APCDD1: variants seen among roughly 807,000 people sequenced by gnomAD.
APCDD1 encodes the protein protein APCDD1.
In APCDD1, 15 loss-of-function variants were observed where a neutral mutation model predicts 38.1. The ratio of observed to expected loss-of-function variants is 0.39; its 90% CI spans 0.26 to 0.61. The LOEUF is 0.61. Among genes scored for constraint, APCDD1 ranks in the 20% least tolerant of loss-of-function variants. The pLI is 0.49. For missense variants in APCDD1, 647 were observed against 696.2 expected (o/e 0.93, Z 0.79); for synonymous variants, 261 against 279.7 (o/e 0.93, Z 0.67).
At position 10,472,139 on chromosome 18, in the gene APCDD1, A is replaced by T. The variant is rs1389086176; in HGVS notation, c.774+78A>T. ...CTTAAAGGCTTGCCATGGGGGCTCT[A>T]GGGCACCCTTGAAAGGGGGAATTCT... On this transcript the variant is annotated intron_variant, in intron 3 of 4. Transcript: ENST00000355285. This position sits in a 1 kb window ranked among gnomAD's most constrained non-coding sequence, Gnocchi z 6.6. The T allele has an allele frequency of 6.9e-6, 11 of 1,593,274 alleles. No homozygotes were observed. The highest frequency in any genetic ancestry group is 9.4e-6 in the Non-Finnish European group (11 of 1,166,332).
intron 1 of APCDD1, among the ~76,000 whole-genome samples, chr18:10,459,293 C>T (rs1055928379): frequency 6.7e-6 from 1 of 149,438 alleles, no homozygotes; most frequent in South Asian, 2.1e-4. Flanking sequence ...CACTATTTTC[C>T]CTGCTGGGAA....
chr18:10,461,558 A>G (rs1035265605), intron 1 of APCDD1, among the ~76,000 whole-genome samples: 1 of 152,240 alleles, frequency 6.6e-6, no homozygotes, highest in African/African-American at 2.4e-5. Flanking sequence ...TATAGTAGCT[A>G]GCATTTGATC....
At chr18:10,480,942 A>T (rs939072431) in intron 3 of APCDD1, among the ~76,000 whole-genome samples, 1 of 137,850 alleles carries the variant, frequency 7.3e-6, no homozygotes, top group African/African-American at 2.6e-5. Flanking sequence ...AAAAAAATAA[A>T]AAATAAAAAA....
Position 10,454,692 on chromosome 18 carries a change from G to C in APCDD1, c.-290G>C. 8.1e-6 allele frequency: 8 copies of C among 985,334 alleles called. No individual in the cohort carries two copies. Among genetic ancestry groups the C allele is most frequent in the South Asian group, 4.6e-5 (1 of 21,810 alleles). The allele number at this position is 985,334 out of a possible 1,614,324, so 61.0% of individuals were successfully genotyped here. A position where few individuals can be genotyped will look rare whatever the true frequency, so the allele number is the denominator to read the frequency against. ...GCCACTGCAGCTCAGAGCGGCGCAC[G>C]CGGCGGCCGGGGCGGGACGCGGGGC... On this transcript the variant is annotated 5_prime_UTR_variant, in exon 1 of 5. Transcript: ENST00000355285.
At chr18:10,464,041 G>A (rs910086079) in intron 1 of APCDD1, among the ~76,000 whole-genome samples, 7 of 152,118 alleles carry the variant, frequency 4.6e-5, no homozygotes, top group Admixed American at 2.6e-4. Context: ...AGAAACCCTG[G>A]GCTATTTAAT....
intron 1 of APCDD1, among the ~76,000 whole-genome samples, chr18:10,455,605 T>C (rs1452916931): frequency 6.6e-6 from 1 of 152,152 alleles, no homozygotes; most frequent in Non-Finnish European, 1.5e-5. Context: ...AAGTGGACTG[T>C]TGCGTTCTCT....
intron 3 of APCDD1, among the ~76,000 whole-genome samples, chr18:10,478,222 A>G (rs534219835): frequency 5.9e-5 from 9 of 152,208 alleles, no homozygotes; most frequent in Admixed American, 3.3e-4. Context: ...CCCTTCCTGG[A>G]CAGTGGTAAC....
At chr18:10,487,494 C>A in intron 4 of APCDD1, 96 bp from the exon 5 acceptor site, 1 of 1,268,512 alleles carries the variant, frequency 7.9e-7, no homozygotes, top group Non-Finnish European at 1.1e-6. Context: ...AAAAGAAAGC[C>A]TTGTCTAGTT....
chr18:10,474,451 C>T (rs2030942220), intron 3 of APCDD1, among the ~76,000 whole-genome samples: 1 of 152,194 alleles, frequency 6.6e-6, no homozygotes, highest in African/African-American at 2.4e-5. Context: ...GCCTTGAGTG[C>T]GAGGTCTGAG....
At chr18:10,458,389 A>T (rs2030436786) in intron 1 of APCDD1, among the ~76,000 whole-genome samples, 1 of 152,250 alleles carries the variant, frequency 6.6e-6, no homozygotes, top group South Asian at 2.1e-4. Flanking sequence ...GGAAACGTTT[A>T]TACAGGGTAA....
At chr18:10,468,792 C>A in intron 2 of APCDD1, 140 bp downstream of exon 2, 2 of 894,882 alleles carry the variant, frequency 2.2e-6, no homozygotes, top group Middle Eastern at 3.4e-4. Context: ...AGAACCAAAC[C>A]ACTCTTTGAA....
At chr18:10,480,370 T>G (rs1365796369) in intron 3 of APCDD1, among the ~76,000 whole-genome samples, 2 of 152,220 alleles carry the variant, frequency 1.3e-5, no homozygotes, top group African/African-American at 2.4e-5. Flanking sequence ...ATGAATACAA[T>G]ATACAGGCTT....
chr18:10,468,786 C>G (rs1731374886), intron 2 of APCDD1, 134 bp downstream of exon 2: 2 of 918,884 alleles, frequency 2.2e-6, no homozygotes, highest in Non-Finnish European at 3.4e-6. Context: ...TAATGAAGAA[C>G]CAAACCACTC....
At chr18:10,456,194 G>A (rs904004580) in intron 1 of APCDD1, among the ~76,000 whole-genome samples, 10 of 152,206 alleles carry the variant, frequency 6.6e-5, no homozygotes, top group Non-Finnish European at 1.5e-5. Flanking sequence ...AACTTGTCTG[G>A]CTGGGCCAGA....
At chr18:10,473,490 T>G (rs1165081156) in intron 3 of APCDD1, among the ~76,000 whole-genome samples, 1 of 152,150 alleles carries the variant, frequency 6.6e-6, no homozygotes, top group Non-Finnish European at 1.5e-5. Context: ...GAGGCCAACA[T>G]GAATTAGGGC....
rs2031333309 is a variant in APCDD1 at position 10,489,909 on chromosome 18, C to T, written c.*1871C>T. Reference sequence around the variant, plus strand: ...AATACTCTCAGAAATACAACTGATACTATCTTTAAAAGACGTAATAAAATC... The same window carrying T: ...AATACTCTCAGAAATACAACTGATATTATCTTTAAAAGACGTAATAAAATC... On this transcript the variant is annotated 3_prime_UTR_variant, in exon 5 of 5. Transcript: ENST00000355285. 1 of 152,096 alleles carries T rather than the reference C, an allele frequency of 6.6e-6. No homozygotes were observed. Among genetic ancestry groups the T allele is most frequent in the Non-Finnish European group, 1.5e-5 (1 of 68,006 alleles). The allele number at this position is 152,096 out of a possible 1,614,324, so 9.4% of individuals were successfully genotyped here. A position where few individuals can be genotyped will look rare whatever the true frequency, so the allele number is the denominator to read the frequency against.
rs866486837 is a variant in APCDD1, at chr18:10,455,006, C to T, written c.25C>T (p.Leu9Phe). 4.5e-6 allele frequency: 7 copies of T among 1,563,264 alleles called. No individual in the cohort carries two copies. In the Admixed American group the frequency reaches 5.5e-5, roughly 12 times the overall value. The stretch of plus-strand genomic sequence containing the variant: ...AATGTCCTGGCCGCGCCGCCTCCTG[C>T]TCAGATACCTGTTCCCGGCCCTCCT... MSWPRRLL[L>F]RYLFPALLLH... The change falls in exon 1 of 5, where the codon CTC (leucine) becomes TTC (phenylalanine). Residue 9 changes from leucine (L) to phenylalanine (F), a missense_variant. Coordinates refer to ENST00000355285, the MANE Select transcript of APCDD1 (RefSeq NM_153000.5).
rs746141096 is a variant in APCDD1 at position 10,485,594 on chromosome 18, C to T, written c.907C>T (p.Arg303Cys). Residue 303 changes from arginine to cysteine, a missense_variant, in exon 4 of 5, where the codon CGC becomes TGC. Coordinates refer to ENST00000355285, the MANE Select transcript of APCDD1 (RefSeq NM_153000.5). The surrounding 1 kb of genome is among the most constrained non-coding windows in gnomAD (Gnocchi z 5.8). The stretch of plus-strand genomic sequence containing the variant: ...GTGGGTGAGCCAGCGCTGTGAGGTG[C>T]GCCCCGAAGTCCTCTTCCTCACCCG... Reference protein sequence around the residue: ...GEWVSQRCEVRPEVLFLTRHF... With the variant: ...GEWVSQRCEVCPEVLFLTRHF... The T allele has an allele frequency of 1.1e-5, 17 of 1,613,906 alleles. 1 individual carries two copies. The highest frequency in any genetic ancestry group is 2.2e-5 in the East Asian group (1 of 44,886).
intron 1 of APCDD1, among the ~76,000 whole-genome samples, chr18:10,459,433 C>T (rs2030472752): frequency 6.6e-6 from 1 of 152,194 alleles, no homozygotes; most frequent in Admixed American, 6.5e-5. Flanking sequence ...CCAGTGTCCA[C>T]CCTGAGGACT....
Sources: gnomAD v4.1 joint callset for allele counts (sites outside exome capture counted in the v4.1 genomes callset) on GRCh38, gnomAD v4.1.1 for gene constraint, Gnocchi (gnomAD v3.1) non-coding constraint, MANE v1.5 for transcripts, NCBI Gene and HGNC (gene_info 2026-07-23, HGNC 2026-07-21) for gene names.